SERINC3: variants seen among roughly 807,000 people sequenced by gnomAD.
The protein encoded by SERINC3 is tumor differentially expressed protein 1.
A neutral mutation model predicts 52.1 loss-of-function variants in SERINC3; 22 were observed. The observed-to-expected ratio is 0.42, with a 90% CI of 0.30 to 0.60. SERINC3 has a LOEUF of 0.60. SERINC3 is among the 20% of genes least tolerant of loss of function. SERINC3 has a pLI of 0.16. For synonymous variants in SERINC3, 226 were observed against 212.7 expected, an observed-to-expected ratio of 1.06 and a Z score of -0.54; for missense variants, 564 against 584.6, an observed-to-expected ratio of 0.96 and a Z score of 0.36.
At chr20:44,505,056 A>C (rs1403664219) in intron 6 of SERINC3, among the ~76,000 whole-genome samples, 165 bp from the exon 7 acceptor site, 2 of 152,228 alleles carry the variant, frequency 1.3e-5, no homozygotes, top group Non-Finnish European at 1.5e-5. Context: ...GTTAGCTCGC[A>C]AAAGAACCCA....
intron 1 of SERINC3, chr20:44,519,367 C>T (rs2064401539): frequency 6.3e-6 from 6 of 958,420 alleles, no homozygotes; most frequent in Middle Eastern, 5.2e-4. Flanking sequence ...AGATTGAGAC[C>T]ATCCTGGCGT....
chr20:44,503,948 C>A lies in SERINC3; in HGVS notation c.922G>T (p.Ala308Ser), dbSNP rs1299413905. ...NLMSFITRITAPTLAPGNSTA... is the reference protein window; with the variant it reads ...NLMSFITRITSPTLAPGNSTA... ...GAATTTCCAGGAGCCAGGGTTGGTG[C>A]AGTTATGCGTGTAATAAAGCTCATC... Residue 308 changes from alanine (A) to serine (S), a missense_variant, in exon 8 of 10, where the codon GCA (alanine) becomes TCA (serine). By Grantham distance (99) the Ala-to-Ser change is moderately conservative. Transcript: ENST00000342374. The A allele has an allele frequency of 1.2e-6, 2 of 1,603,232 alleles. No homozygotes were observed. The highest frequency in any genetic ancestry group is 4.5e-5 in the East Asian group (2 of 44,352).
intron 9 of SERINC3, 124 bp downstream of exon 9, chr20:44,500,949 A>T: frequency 1.5e-6 from 1 of 669,492 alleles, no homozygotes; most frequent in Non-Finnish European, 2.6e-6. Context: ...TAAAGTCAAG[A>T]GTATTTAACC....
chr20:44,519,876 T>C (rs1184229709), intron 1 of SERINC3, among the ~76,000 whole-genome samples: 1 of 152,208 alleles, frequency 6.6e-6, no homozygotes, highest in Non-Finnish European at 1.5e-5. Flanking sequence ...TGGTTCCCAT[T>C]TCCTGGCATA....
chr20:44,522,047 C>T lies in SERINC3; in HGVS notation c.-96G>A, dbSNP rs993647612. 3 of 1,343,046 alleles carry T rather than the reference C, an allele frequency of 2.2e-6. No individual in the cohort carries two copies. Among genetic ancestry groups the T allele is most frequent in the Admixed American group, 4.1e-5 (2 of 48,648 alleles). The allele number at this position is 1,343,046 out of a possible 1,614,324, so 83.2% of individuals were successfully genotyped here. ...TGACTCCCCAGAAACATGACGGTTTCTCAGGCCGGAAACGCAGCCTTCCAC... is the reference window on the plus strand; with the variant it reads ...TGACTCCCCAGAAACATGACGGTTTTTCAGGCCGGAAACGCAGCCTTCCAC... On this transcript the variant is annotated 5_prime_UTR_variant, in exon 1 of 10. Transcript: ENST00000342374.
In SERINC3 at chr20:44,506,855, G is replaced by A. The variant is rs202170652; in HGVS notation, c.755C>T (p.Ser252Phe). 111 of 1,592,050 alleles carry A rather than the reference G, an allele frequency of 7.0e-5. No homozygotes were observed. Among genetic ancestry groups the A allele is most frequent in the Non-Finnish European group, 5.7e-5 (67 of 1,171,526 alleles). The change falls in exon 6 of 10, where the codon TCT becomes TTT. Residue 252 changes from serine (S) to phenylalanine (F), a missense_variant. Coordinates refer to ENST00000342374, the MANE Select transcript of SERINC3 (RefSeq NM_006811.4). ...SINLILCVVA[S>F]IISIHPKIQE... ...AATTTTTGGGTGGATCGATATAATA[G>A]AAGCCACAACGCAAAGGATCAGGTT...
chr20:44,521,670 G>A (rs1227755687), intron 1 of SERINC3, among the ~76,000 whole-genome samples: 1 of 152,270 alleles, frequency 6.6e-6, no homozygotes, highest in Non-Finnish European at 1.5e-5. Context: ...GCAGGGCGGA[G>A]CCATCCGAAT....
chr20:44,513,897 C>T lies in SERINC3; in HGVS notation c.183G>A (p.Met61Ile), dbSNP rs2064363661. 1.2e-6 allele frequency: 2 copies of T among 1,605,886 alleles called. No individual in the cohort carries two copies. Among genetic ancestry groups the T allele is most frequent in the African/African-American group, 2.7e-5 (2 of 74,590 alleles). Residue 61 changes from methionine (M) to isoleucine (I), a missense_variant, in exon 2 of 10, where the codon ATG becomes ATA. Physicochemically the swap from Met to Ile is conservative, Grantham distance 10. Coordinates refer to ENST00000342374, the MANE Select transcript of SERINC3 (RefSeq NM_006811.4). ...TTCTTACCTTCTTCAAGTAAGTTTC[C>T]ATCTCTTTTCTCTGCATGATATAGG... is the stretch of plus-strand genomic sequence containing the variant. The part of the protein sequence containing the change: ...VVSYIMQRKE[M>I]ETYLKKIPGF...
At chr20:44,503,184 A>G (rs754070149) in intron 8 of SERINC3, among the ~76,000 whole-genome samples, 5 of 152,184 alleles carry the variant, frequency 3.3e-5, no homozygotes, top group Admixed American at 6.5e-5. Flanking sequence ...ATACTCCCCA[A>G]TTTGGTCTAT....
At chr20:44,500,537 T>G in intron 9 of SERINC3, 103 bp from the exon 10 acceptor site, 1 of 1,369,004 alleles carries the variant, frequency 7.3e-7, no homozygotes, top group Non-Finnish European at 1.0e-6. Context: ...CCAGTGAAAC[T>G]TGGCTGGCAC....
At chr20:44,518,532 G>C (rs2064395157) in intron 1 of SERINC3, among the ~76,000 whole-genome samples, 1 of 152,082 alleles carries the variant, frequency 6.6e-6, no homozygotes, top group African/African-American at 2.4e-5. Context: ...AAGCTGGAAA[G>C]ACCCACCATA....
At chr20:44,515,393 T>C (rs186241562) in intron 1 of SERINC3, among the ~76,000 whole-genome samples, 1 of 152,294 alleles carries the variant, frequency 6.6e-6, no homozygotes, top group East Asian at 1.9e-4. Flanking sequence ...GATAGATACA[T>C]GATAGAACAC....
chr20:44,502,972 C>T (rs1266730776), intron 8 of SERINC3, among the ~76,000 whole-genome samples: 1 of 151,982 alleles, frequency 6.6e-6, no homozygotes, highest in Non-Finnish European at 1.5e-5. Flanking sequence ...ATTTATAATA[C>T]CATCGAAAAG....
At chr20:44,514,852 G>A (rs1342913305) in intron 1 of SERINC3, among the ~76,000 whole-genome samples, 1 of 152,164 alleles carries the variant, frequency 6.6e-6, no homozygotes, top group Non-Finnish European at 1.5e-5. Context: ...CTCAATTCAA[G>A]AGGAACCAGG....
At chr20:44,520,165 C>T (rs2064406682) in intron 1 of SERINC3, among the ~76,000 whole-genome samples, 1 of 152,168 alleles carries the variant, frequency 6.6e-6, no homozygotes, top group South Asian at 2.1e-4. Flanking sequence ...GCTCACACCC[C>T]AGGAGTTCGA....
intron 1 of SERINC3, among the ~76,000 whole-genome samples, chr20:44,518,973 GA>G (rs397757339): frequency 0.11 from 6,677 of 61,660 alleles, 309 homozygotes; most frequent in Admixed American, 0.28. Context: ...TCTCAAAAAC[GA>G]AAAAAAAAAA....
intron 1 of SERINC3, among the ~76,000 whole-genome samples, chr20:44,518,598 C>T (rs975492615): frequency 2.0e-5 from 3 of 152,182 alleles, no homozygotes; most frequent in Non-Finnish European, 4.4e-5. Context: ...CCTAAAAAAA[C>T]TTGTCTTTCC....
chr20:44,507,000 G>C lies in SERINC3; in HGVS notation c.614-4C>G, dbSNP rs895593347. The stretch of plus-strand genomic sequence containing the variant: ...GCGCTTGTGAAAGACAGTAAAGCTG[G>C]AGAAAGGGAAACCAATATGAATGAC... On this transcript the variant is annotated splice_region_variant and splice_polypyrimidine_tract_variant and intron_variant, in intron 5 of 9. Coordinates refer to ENST00000342374, the MANE Select transcript of SERINC3 (RefSeq NM_006811.4). 1.9e-6 allele frequency: 3 copies of C among 1,586,896 alleles called. No homozygotes were observed. The highest frequency in any genetic ancestry group is 2.6e-6 in the Non-Finnish European group (3 of 1,169,318).
chr20:44,517,111 T>A (rs1306459728), intron 1 of SERINC3, among the ~76,000 whole-genome samples: 1 of 152,296 alleles, frequency 6.6e-6, no homozygotes, highest in South Asian at 2.1e-4. Context: ...AGTTTTCTCA[T>A]CTGTAAAAAT....
Sources: allele counts gnomAD v4.1 joint callset (sites outside exome capture counted in the v4.1 genomes callset), GRCh38; gene constraint gnomAD v4.1.1; transcripts MANE v1.5; gene names NCBI Gene and HGNC (gene_info 2026-07-23, HGNC 2026-07-21).